FNDC3B: variants seen among roughly 807,000 people sequenced by gnomAD.
The protein encoded by FNDC3B is fibronectin type III domain containing 3B, also known as fibronectin type III domain-containing protein 3B.
In FNDC3B, 12 loss-of-function variants were observed where a neutral mutation model predicts 151.5. That is an observed-to-expected ratio of 0.08 (90% CI 0.05 to 0.13). The LOEUF is 0.13. FNDC3B is among the 10% of genes least tolerant of loss of function. The pLI, the probability that FNDC3B is intolerant of heterozygous loss-of-function variation, is 1.00. For missense variants in FNDC3B, 1,214 were observed against 1,505.3 expected (o/e 0.81, Z 3.20); for synonymous variants, 528 against 549.0 (o/e 0.96, Z 0.54).
intron 3 of FNDC3B, among the ~76,000 whole-genome samples, chr3:172,222,040 C>A (rs1726302245): frequency 6.6e-6 from 1 of 152,182 alleles, no homozygotes; most frequent in Non-Finnish European, 1.5e-5. Flanking sequence ...ATTATTTCAT[C>A]TTTGCCTTAT....
chr3:172,216,648 G>T (rs7630620), intron 3 of FNDC3B, among the ~76,000 whole-genome samples: 121,151 of 151,844 alleles, frequency 0.8, 48,487 homozygotes, highest in Middle Eastern at 0.9. Flanking sequence ...ACTGCAGCCT[G>T]GATGGCAGAG....
At chr3:172,353,465 T>C (rs925002398) in intron 22 of FNDC3B, among the ~76,000 whole-genome samples, 2 of 152,192 alleles carry the variant, frequency 1.3e-5, no homozygotes, top group African/African-American at 4.8e-5. Flanking sequence ...GGTAAAACTT[T>C]TAAGATTTCT....
rs112447708 is a variant in FNDC3B, at chr3:172,332,860, G to T, written c.1555-229G>T. Among the ~76,000 whole-genome samples, 992 of 152,278 alleles carry T rather than the reference G, an allele frequency of 6.5e-3. 3 individuals carry two copies. Among genetic ancestry groups the T allele is most frequent in the African/African-American group, 0.023 (942 of 41,548 alleles). On this transcript the variant is annotated intron_variant, in intron 13 of 25. Transcript: ENST00000415807. Reference sequence around the variant, plus strand: ...TTAACTCCTTTGTCACAATAAATTTGACCAGACCCAGGAGAAATTACAGTG... The same window carrying T: ...TTAACTCCTTTGTCACAATAAATTTTACCAGACCCAGGAGAAATTACAGTG...
Position 172,285,867 on chromosome 3 carries a change from T to C in FNDC3B, c.791-59T>C, listed in dbSNP as rs930023070. On this transcript the variant is annotated intron_variant, in intron 6 of 25. Transcript: ENST00000415807. ...GTTAAAAGGCCTTGGGGAAGGAACT[T>C]GACAACCTTACTGCCTTCTAATGGT... The C allele has an allele frequency of 4.4e-6, 6 of 1,349,504 alleles. No homozygotes were observed. In the Admixed American group the frequency reaches 5.2e-5, roughly 12 times the overall value. 83.6% of individuals were successfully genotyped at this position (1,349,504 alleles called of 1,614,324 possible).
In FNDC3B at chr3:172,106,506, C is replaced by T. The variant is rs192664729; in HGVS notation, c.-28-5946C>T. Among the ~76,000 whole-genome samples, 19 of 152,290 alleles carry T rather than the reference C, an allele frequency of 1.2e-4. No individual in the cohort carries two copies. In the East Asian group the frequency reaches 3.5e-3, roughly 28 times the overall value. ...TTGGTACTGTTATGTTTCTTTTTCT[C>T]TTGTCATTTGAAATTAATTTGCGTA... is the stretch of plus-strand genomic sequence containing the variant. On this transcript the variant is annotated intron_variant, in intron 1 of 25. Coordinates refer to ENST00000415807, the MANE Select transcript of FNDC3B (RefSeq NM_022763.4).
Position 172,362,321 on chromosome 3 carries a change from A to G in FNDC3B, c.2796-312A>G, listed in dbSNP as rs1734404928. 2.6e-5 allele frequency among the ~76,000 whole-genome samples: 4 copies of G among 152,252 alleles called. No individual in the cohort carries two copies. In the South Asian group the frequency reaches 8.3e-4, roughly 31 times the overall value. On this transcript the variant is annotated intron_variant, in intron 22 of 25. Coordinates refer to ENST00000415807, the MANE Select transcript of FNDC3B (RefSeq NM_022763.4). ...ACCATGAGGTAGCTAAACGGTAGCT[A>G]GGACAAAATATAAAAGCGTATCTTT...
chr3:172,234,385 A>T (rs1025393825), intron 4 of FNDC3B, among the ~76,000 whole-genome samples: 8 of 152,226 alleles, frequency 5.3e-5, no homozygotes, highest in African/African-American at 1.7e-4. Context: ...AGCACATAAT[A>T]GGCATTTATC....
At chr3:172,192,174 T>C (rs1026108885) in intron 3 of FNDC3B, among the ~76,000 whole-genome samples, 3 of 75,986 alleles carry the variant, frequency 3.9e-5, no homozygotes, top group South Asian at 1.2e-3. Flanking sequence ...TGTGTGTTTT[T>C]TGTTTTTTTT....
At chr3:172,219,003 CAAG>C (rs1204521365) in intron 3 of FNDC3B, among the ~76,000 whole-genome samples, 4 of 152,168 alleles carry the variant, frequency 2.6e-5, no homozygotes, top group African/African-American at 7.2e-5. Context: ...ATTAGAAAAA[CAAG>C]AAGAACAGAG....
At chr3:172,189,590 G>A (rs1195796610) in intron 3 of FNDC3B, among the ~76,000 whole-genome samples, 1 of 151,880 alleles carries the variant, frequency 6.6e-6, no homozygotes, top group Non-Finnish European at 1.5e-5. Context: ...GAGGCAGAAG[G>A]ATCACTTGAG....
At chr3:172,274,328 GT>G (rs1451182362) in intron 6 of FNDC3B, among the ~76,000 whole-genome samples, 1 of 152,122 alleles carries the variant, frequency 6.6e-6, no homozygotes, top group Non-Finnish European at 1.5e-5. Context: ...GGATAGATTT[GT>G]TTATCTTAAG....
At chr3:172,372,949 A>G (rs1734951432) in intron 23 of FNDC3B, among the ~76,000 whole-genome samples, 1 of 152,212 alleles carries the variant, frequency 6.6e-6, no homozygotes, top group South Asian at 2.1e-4. Context: ...ATGATGTGGC[A>G]GTAAAGCGCA....
intron 1 of FNDC3B, among the ~76,000 whole-genome samples, chr3:172,066,434 T>C (rs530639271): frequency 6.6e-6 from 1 of 152,336 alleles, no homozygotes; most frequent in Non-Finnish European, 1.5e-5. Flanking sequence ...CCCAAGGCAA[T>C]ATCTAGGTAA....
At chr3:172,041,587 C>T (rs1323865640) in intron 1 of FNDC3B, among the ~76,000 whole-genome samples, 4 of 151,364 alleles carry the variant, frequency 2.6e-5, no homozygotes, top group African/African-American at 9.7e-5. Flanking sequence ...AGCAGACAGA[C>T]CCGGAAGAAA....
In FNDC3B at chr3:172,337,380, A is replaced by T; in HGVS notation, c.1831A>T (p.Ile611Phe). The T allele has an allele frequency of 6.2e-7, 1 of 1,612,528 alleles. No homozygotes were observed. Among genetic ancestry groups the T allele is most frequent in the Non-Finnish European group, 8.5e-7 (1 of 1,178,740 alleles). ...GSEILKYLLE[I>F]TDGNSEANQW... ...AGAAATCCTCAAGTACTTGCTAGAG[A>T]TTACTGATGGAAATTCTGAAGGTGA... is the stretch of plus-strand genomic sequence containing the variant. The change falls in exon 16 of 26, where the codon ATT becomes TTT. Residue 611 changes from isoleucine (I) to phenylalanine (F), a missense_variant. Coordinates refer to ENST00000415807, the MANE Select transcript of FNDC3B (RefSeq NM_022763.4).
intron 21 of FNDC3B, among the ~76,000 whole-genome samples, chr3:172,350,840 C>G (rs954571262): frequency 6.6e-6 from 1 of 151,980 alleles, no homozygotes; most frequent in African/African-American, 2.4e-5. Context: ...AGAGACAGAC[C>G]CTGTCTCAAA....
At chr3:172,279,128 C>T (rs1413759390) in intron 6 of FNDC3B, among the ~76,000 whole-genome samples, 2 of 149,708 alleles carry the variant, frequency 1.3e-5, no homozygotes, top group African/African-American at 4.9e-5. Flanking sequence ...CCAGGTGTTA[C>T]ACAGCATTTG....
chr3:172,219,461 T>G (rs928847042), intron 3 of FNDC3B, among the ~76,000 whole-genome samples: 2 of 152,248 alleles, frequency 1.3e-5, no homozygotes, highest in African/African-American at 4.8e-5. Context: ...TTTTCAATTC[T>G]TTTTTTGTTA....
chr3:172,223,735 T>A (rs916556307), intron 3 of FNDC3B, among the ~76,000 whole-genome samples: 1 of 152,218 alleles, frequency 6.6e-6, no homozygotes, highest in Admixed American at 6.5e-5. Flanking sequence ...GTTGATTTTA[T>A]GTTGCATGGG....
Sources: gnomAD v4.1 joint callset for allele counts (sites outside exome capture counted in the v4.1 genomes callset) on GRCh38, gnomAD v4.1.1 for gene constraint, MANE v1.5 for transcripts, NCBI Gene and HGNC (gene_info 2026-07-23, HGNC 2026-07-21) for gene names.